FBXO11: variants seen among roughly 807,000 people sequenced by gnomAD.
The protein encoded by FBXO11 is F-box protein 11.
Under a neutral mutation model 117.0 loss-of-function variants are expected in FBXO11, and 13 were observed. That is an observed-to-expected ratio of 0.11 (90% CI 0.07 to 0.18). FBXO11 has a LOEUF of 0.18. Ranked by LOEUF, FBXO11 falls within the 10% of genes least tolerant of loss-of-function variation. FBXO11 has a pLI of 1.00. For missense variants in FBXO11, 767 were observed against 1,164.4 expected, an observed-to-expected ratio of 0.66 and a Z score of 4.97; for synonymous variants, 490 against 380.5, an observed-to-expected ratio of 1.29 and a Z score of -3.35.
At chr2:47,857,953 A>C (rs951678433) in intron 1 of FBXO11, among the ~76,000 whole-genome samples, 5 of 152,074 alleles carry the variant, frequency 3.3e-5, no homozygotes, top group Non-Finnish European at 5.9e-5. Context: ...ATATATACAC[A>C]CACACATACA....
intron 1 of FBXO11, among the ~76,000 whole-genome samples, chr2:47,858,853 A>C (rs1018531974): frequency 1.3e-5 from 2 of 150,060 alleles, no homozygotes; most frequent in Non-Finnish European, 3.0e-5. Flanking sequence ...GACCAGGTCA[A>C]CATGGTGAAA....
chr2:47,812,402 T>A (rs1314156398), intron 18 of FBXO11, among the ~76,000 whole-genome samples: 1 of 152,210 alleles, frequency 6.6e-6, no homozygotes, highest in Non-Finnish European at 1.5e-5. Context: ...AAAACACGGC[T>A]CAAAAGTGAT....
At chr2:47,810,211 CACTTTGCACATTTTAGTT>C in intron 19 of FBXO11, 87 bp downstream of exon 19, 1 of 712,780 alleles carries the variant, frequency 1.4e-6, no homozygotes, top group Non-Finnish European at 2.2e-6. Flanking sequence ...CACTTCAGCA[CACTTTGCACATTTTAGTT>C]AATAAGCAAA....
intron 11 of FBXO11, among the ~76,000 whole-genome samples, chr2:47,830,883 T>C (rs974431784): frequency 9.9e-5 from 15 of 152,050 alleles, no homozygotes; most frequent in African/African-American, 3.4e-4. Context: ...CACTGCAACC[T>C]CCGTCTCCTG....
At chr2:47,838,583 CT>C (rs1368651911) in intron 4 of FBXO11, among the ~76,000 whole-genome samples, 1 of 152,124 alleles carries the variant, frequency 6.6e-6, no homozygotes, top group East Asian at 1.9e-4. Flanking sequence ...TTAAATTACA[CT>C]GTTATGTTTC....
intron 16 of FBXO11, among the ~76,000 whole-genome samples, chr2:47,818,171 G>A (rs1671139915): frequency 6.6e-6 from 1 of 152,130 alleles, no homozygotes; most frequent in South Asian, 2.1e-4. Flanking sequence ...TAATGATAAT[G>A]AAAAAATGAG....
chr2:47,840,223 G>A (rs542776880), intron 1 of FBXO11, among the ~76,000 whole-genome samples: 27 of 152,116 alleles, frequency 1.8e-4, no homozygotes, highest in African/African-American at 5.3e-4. Flanking sequence ...GATTACAGGC[G>A]TGAGCCACCA....
intron 11 of FBXO11, among the ~76,000 whole-genome samples, chr2:47,828,249 G>C (rs1048947778): frequency 1.3e-5 from 2 of 152,192 alleles, no homozygotes; most frequent in Non-Finnish European, 2.9e-5. Flanking sequence ...CCGAAGTGCT[G>C]GGATTACAGG....
At chr2:47,839,266 A>T (rs1572820563) in intron 3 of FBXO11, among the ~76,000 whole-genome samples, 153 bp downstream of exon 3, 2 of 152,206 alleles carry the variant, frequency 1.3e-5, no homozygotes, top group African/African-American at 4.8e-5. Context: ...TAAAAGTCAG[A>T]GGGAGAGGTC....
chr2:47,880,059 A>G (rs1351174119), intron 1 of FBXO11, among the ~76,000 whole-genome samples: 1 of 151,646 alleles, frequency 6.6e-6, no homozygotes, highest in Non-Finnish European at 1.5e-5. Flanking sequence ...GTAGTGGTGC[A>G]ATCTCGGTTT....
In FBXO11 at chr2:47,809,416, G is replaced by C. The variant is rs1670458564; in HGVS notation, c.2447-150C>G. On this transcript the variant is annotated intron_variant, in intron 20 of 22. Coordinates refer to ENST00000403359, the MANE Select transcript of FBXO11 (RefSeq NM_001190274.2). ...GAAGTAATTGTAAGAAATCAGCTAA[G>C]AATAGAATTTTCCTTGTATAAGATA... The C allele has an allele frequency of 1.2e-5, 8 of 686,264 alleles. No homozygotes were observed. The Admixed American group carries it at 1.3e-4, about 11-fold the overall frequency. The allele number at this position is 686,264 out of a possible 1,614,324, so 42.5% of individuals were successfully genotyped here.
intron 13 of FBXO11, among the ~76,000 whole-genome samples, chr2:47,820,927 T>C (rs60260359): frequency 0.016 from 2,497 of 152,328 alleles, 70 homozygotes; most frequent in African/African-American, 0.056. Context: ...CAGGCACATA[T>C]TGGTGTCTGG....
At chr2:47,843,634 G>A (rs530537695) in intron 1 of FBXO11, among the ~76,000 whole-genome samples, 8 of 151,824 alleles carry the variant, frequency 5.3e-5, no homozygotes. Flanking sequence ...TCTATTTTTG[G>A]TCTATCAGCT....
intron 1 of FBXO11, among the ~76,000 whole-genome samples, chr2:47,842,822 C>T (rs1673115041): frequency 6.6e-6 from 1 of 151,726 alleles, no homozygotes; most frequent in Admixed American, 6.6e-5. Flanking sequence ...ACTTTGTCAC[C>T]CAGGCTGGAA....
chr2:47,825,979 T>C (rs1024027234), intron 11 of FBXO11, among the ~76,000 whole-genome samples: 2 of 152,136 alleles, frequency 1.3e-5, no homozygotes, highest in African/African-American at 2.4e-5. Flanking sequence ...GACTAAACAG[T>C]ATTCAAATGC....
At chr2:47,848,120 T>A (rs1422111466) in intron 1 of FBXO11, among the ~76,000 whole-genome samples, 2 of 149,640 alleles carry the variant, frequency 1.3e-5, no homozygotes, top group African/African-American at 4.9e-5. Flanking sequence ...CGAGACCCCA[T>A]CTCAAAAAAA....
chr2:47,887,406 A>G lies in FBXO11; in HGVS notation c.232+18083T>C, dbSNP rs797002713. On this transcript the variant is annotated intron_variant, in intron 1 of 22. Transcript: ENST00000403359. ...GAGCTACCTCTGGGAATGAAAGAAC[A>G]GGGAAAACAAAATAACTGACTTTCC... Among the ~76,000 whole-genome samples, 9 of 152,052 alleles carry G rather than the reference A, an allele frequency of 5.9e-5. 1 individual carries two copies. Among genetic ancestry groups the G allele is most frequent in the African/African-American group, 2.2e-4 (9 of 41,472 alleles).
At chr2:47,869,145 G>T (rs1675420526) in intron 1 of FBXO11, among the ~76,000 whole-genome samples, 1 of 152,184 alleles carries the variant, frequency 6.6e-6, no homozygotes, top group Non-Finnish European at 1.5e-5. Context: ...CACAGGTCCA[G>T]GAAACAAACG....
intron 1 of FBXO11, among the ~76,000 whole-genome samples, chr2:47,843,474 G>A (rs183973597): frequency 2.1e-5 from 3 of 145,854 alleles, no homozygotes; most frequent in Admixed American, 6.9e-5. Context: ...TATGTGCTTT[G>A]AGACAATATT....
Sources: gnomAD v4.1 joint callset for allele counts (sites outside exome capture counted in the v4.1 genomes callset) on GRCh38, gnomAD v4.1.1 for gene constraint, MANE v1.5 for transcripts, NCBI Gene and HGNC (gene_info 2026-07-23, HGNC 2026-07-21) for gene names.